Variants in MMP17 observed in about 807,000 individuals in gnomAD.
The protein encoded by MMP17 is matrix metalloproteinase-17.
Under a neutral mutation model 49.1 loss-of-function variants are expected in MMP17, and 54 were observed. The observed-to-expected ratio is 1.10, with a 90% confidence interval of 0.88 to 1.38. MMP17 has a LOEUF of 1.38. Ranked by LOEUF, MMP17 falls within the 40% of genes most tolerant of loss-of-function variation. MMP17 has a pLI of 0.00. For synonymous variants in MMP17, 397 were observed against 383.1 expected (o/e 1.04, Z -0.42); for missense variants, 837 against 853.7 (o/e 0.98, Z 0.24).
chr12:131,851,361 G>T lies in MMP17; in HGVS notation c.*87G>T. 8.2e-7 allele frequency: 1 copy of T among 1,213,400 alleles called. No homozygotes were observed. The allele number at this position is 1,213,400 out of a possible 1,614,324, so 75.2% of individuals were successfully genotyped here. Reference sequence around the variant, plus strand: ...GACTGTGCCGGAGTCCCTGGGGGAGGTGCTGGCGCGGGATGAGGACGGGCC... The same window carrying T: ...GACTGTGCCGGAGTCCCTGGGGGAGTTGCTGGCGCGGGATGAGGACGGGCC... On this transcript the variant is annotated 3_prime_UTR_variant, in exon 10 of 10. Transcript: ENST00000360564.
chr12:131,846,487 C>G lies in MMP17; in HGVS notation c.1204+1038C>G, dbSNP rs1887709240. Among the ~76,000 whole-genome samples, 1 of 152,166 alleles carries G rather than the reference C, an allele frequency of 6.6e-6. No homozygotes were observed. The highest frequency in any genetic ancestry group is 1.5e-5 in the Non-Finnish European group (1 of 68,038). The stretch of plus-strand genomic sequence containing the variant: ...CACCTCCCAGGTTGCAATTCTCCTG[C>G]CTCAGCCTCCCTAGTAGCTGGGATT... On this transcript the variant is annotated intron_variant, in intron 8 of 9. Transcript: ENST00000360564. The surrounding 1 kb of genome is among the most constrained non-coding windows in gnomAD (Gnocchi z 4.6).
chr12:131,836,335 G>T (rs1887083535), intron 1 of MMP17, among the ~76,000 whole-genome samples: 1 of 152,128 alleles, frequency 6.6e-6, no homozygotes, highest in Admixed American at 6.5e-5. Flanking sequence ...CAGGATGGTG[G>T]TGCCTCATTC....
At chr12:131,838,398 C>G in intron 2 of MMP17, 71 bp downstream of exon 2, 9 of 1,570,378 alleles carry the variant, frequency 5.7e-6, no homozygotes, top group Non-Finnish European at 6.9e-6. Context: ...CATGCCCCCT[C>G]TGATCAGGCA....
intron 8 of MMP17, among the ~76,000 whole-genome samples, chr12:131,847,196 A>C (rs137972980): frequency 2.2e-3 from 328 of 152,186 alleles, no homozygotes; most frequent in Non-Finnish European, 3.8e-3. Context: ...GCAGATTACA[A>C]GGTCAGGAAA....
intron 8 of MMP17, among the ~76,000 whole-genome samples, chr12:131,849,569 G>T (rs193207144): frequency 0.011 from 1,705 of 152,298 alleles, 16 homozygotes; most frequent in Non-Finnish European, 0.02. Flanking sequence ...TAAAGGGGTG[G>T]CCGGCAGCGT....
chr12:131,829,805 GGGAA>G (rs1265341914), intron 1 of MMP17, among the ~76,000 whole-genome samples: 1 of 152,238 alleles, frequency 6.6e-6, no homozygotes, highest in Non-Finnish European at 1.5e-5. Context: ...GGGTCTGGAT[GGGAA>G]GCCGATTTGG....
intron 1 of MMP17, 119 bp from the exon 2 acceptor site, chr12:131,838,076 T>G: frequency 7.7e-7 from 1 of 1,292,774 alleles, no homozygotes; most frequent in South Asian, 1.6e-5. Context: ...AGGTGCCTTG[T>G]GGGCAGATAG....
rs1887943693 is a variant in MMP17 at position 131,851,011 on chromosome 12, G to A, written c.1549G>A (p.Ala517Thr). 2 of 1,605,448 alleles carry A rather than the reference G, an allele frequency of 1.2e-6. No individual in the cohort carries two copies. The highest frequency in any genetic ancestry group is 1.3e-5 in the African/African-American group (1 of 74,618). The stretch of plus-strand genomic sequence containing the variant: ...GGCACCCGGGTACCCACAGTCCACG[G>A]CCCGGGACTGGCTGGTGTGTGGAGA... The part of the protein sequence containing the change: ...EVAPGYPQST[A>T]RDWLVCGDSQ... The change falls in exon 10 of 10, where the codon GCC becomes ACC. Residue 517 changes from alanine (A) to threonine (T), a missense_variant. Transcript: ENST00000360564.
chr12:131,835,382 C>T (rs1019527880), intron 1 of MMP17, among the ~76,000 whole-genome samples: 1 of 152,246 alleles, frequency 6.6e-6, no homozygotes, highest in African/African-American at 2.4e-5. Flanking sequence ...AACTAAACCA[C>T]CTGCTTCCAA....
At chr12:131,843,439 G>T (rs1887526938) in intron 5 of MMP17, among the ~76,000 whole-genome samples, 1 of 151,904 alleles carries the variant, frequency 6.6e-6, no homozygotes, top group African/African-American at 2.4e-5. Flanking sequence ...TAGAAATGGG[G>T]TCTCACCATG....
chr12:131,838,467 G>T, intron 2 of MMP17, 140 bp downstream of exon 2: 1 of 1,450,274 alleles, frequency 6.9e-7, no homozygotes, highest in Non-Finnish European at 9.1e-7. Context: ...TCAGAGCCTG[G>T]GGCTGGTCCC....
Position 131,838,178 on chromosome 12 carries a change from C to T in MMP17, c.160-17C>T. ...GGGCCCTCTGTTGCACCCCCTCACC[C>T]TGCTCTCTGCCCTCAGGAGTGGCTA... On this transcript the variant is annotated splice_polypyrimidine_tract_variant and intron_variant, in intron 1 of 9. Coordinates refer to ENST00000360564, the MANE Select transcript of MMP17 (RefSeq NM_016155.7). The T allele has an allele frequency of 6.2e-7, 1 of 1,606,970 alleles. No homozygotes were observed. Among genetic ancestry groups the T allele is most frequent in the South Asian group, 1.1e-5 (1 of 90,230 alleles).
At chr12:131,841,515 T>C in intron 4 of MMP17, 109 bp from the exon 5 acceptor site, 1 of 1,151,180 alleles carries the variant, frequency 8.7e-7, no homozygotes, top group East Asian at 2.4e-5. Flanking sequence ...GCAGCCGGCA[T>C]CGAGGCATCC....
chr12:131,851,183 C>T lies in MMP17; in HGVS notation c.1721C>T (p.Pro574Leu), dbSNP rs768589312. ...TSGASSPPGA[P>L]GPLVAATMLL... is the part of the protein sequence containing the mutation. ...GGGGCATCCTCTCCCCCGGGGGCCC[C>T]AGGCCCACTGGTGGCTGCCACCATG... is the stretch of plus-strand genomic sequence containing the variant. The change falls in exon 10 of 10, where the codon CCA becomes CTA. Residue 574 changes from proline to leucine, a missense_variant. By Grantham distance (98) the Pro-to-Leu change is moderately conservative. Coordinates refer to ENST00000360564, the MANE Select transcript of MMP17 (RefSeq NM_016155.7). 9 of 1,470,522 alleles carry T rather than the reference C, an allele frequency of 6.1e-6. No homozygotes were observed. Among genetic ancestry groups the T allele is most frequent in the Non-Finnish European group, 7.2e-6 (8 of 1,108,356 alleles). 91.1% of individuals were successfully genotyped at this position (1,470,522 alleles called of 1,614,324 possible).
At chr12:131,844,939 T>C in intron 6 of MMP17, 179 bp from the exon 7 acceptor site, 18 of 534,422 alleles carry the variant, frequency 3.4e-5, no homozygotes, top group Non-Finnish European at 4.6e-5. Context: ...CCCCGCCCGC[T>C]GAAGCGGTGG....
At position 131,845,116 on chromosome 12, in the gene MMP17, A is replaced by G; in HGVS notation, c.969-2A>G. 1 of 1,613,948 alleles carries G rather than the reference A, an allele frequency of 6.2e-7. No individual in the cohort carries two copies. The highest frequency in any genetic ancestry group is 8.5e-7 in the Non-Finnish European group (1 of 1,179,906). On this transcript the variant is annotated splice_acceptor_variant, in intron 6 of 9. Coordinates refer to ENST00000360564, the MANE Select transcript of MMP17 (RefSeq NM_016155.7). LOFTEE classifies it high-confidence loss of function. ...CCAGCCCACCTGGCTCTCTCCCTGC[A>G]GGCCCAGGAAGGACGTGCCCCACAG...
chr12:131,851,121 C>A lies in MMP17; in HGVS notation c.1659C>A (p.Arg553=). The A allele has an allele frequency of 6.3e-7, 1 of 1,589,650 alleles. No individual in the cohort carries two copies. Among genetic ancestry groups the A allele is most frequent in the Non-Finnish European group, 8.6e-7 (1 of 1,168,724 alleles). The change falls in exon 10 of 10, where the codon CGC becomes CGA. Residue 553 remains arginine, a synonymous_variant. Transcript: ENST00000360564. ...RAPPGQHDQS[R]SEDGYEVCSC... is the part of the protein sequence containing the mutation. ...CTCCAGGACAACATGACCAGAGCCG[C>A]TCGGAGGACGGTTACGAGGTCTGCT...
rs887148357 is a variant in MMP17 at position 131,851,493 on chromosome 12, G to T, written c.*219G>T. The T allele has an allele frequency of 8.9e-5, 37 of 414,974 alleles. No individual in the cohort carries two copies. Among genetic ancestry groups the T allele is most frequent in the Non-Finnish European group, 9.9e-5 (24 of 241,236 alleles). 25.7% of individuals were successfully genotyped at this position (414,974 alleles called of 1,614,324 possible). ...AGTGAGGGACTGTGTTGACTGACGA[G>T]CCGAGGGGTGGCCGCTCCAGAAGGG... On this transcript the variant is annotated 3_prime_UTR_variant, in exon 10 of 10. Transcript: ENST00000360564.
At chr12:131,844,285 G>T in intron 6 of MMP17, 1 of 569,706 alleles carries the variant, frequency 1.8e-6, no homozygotes, top group South Asian at 2.2e-5. Flanking sequence ...ACAGAAATGA[G>T]AACTTCAGAC....
Sources: gnomAD v4.1 joint callset for allele counts (sites outside exome capture counted in the v4.1 genomes callset) on GRCh38, gnomAD v4.1.1 for gene constraint, Gnocchi (gnomAD v3.1) non-coding constraint, MANE v1.5 for transcripts, NCBI Gene and HGNC (gene_info 2026-07-23, HGNC 2026-07-21) for gene names.